The following BCL7A variants were observed in gnomAD, a reference collection of about 807,000 sequenced individuals.
BCL7A encodes the protein BAF chromatin remodeling complex subunit BCL7A, also known as B-cell CLL/lymphoma 7 protein family member A.
A neutral mutation model predicts 28.4 loss-of-function variants in BCL7A; 11 were observed. That is an observed-to-expected ratio of 0.39 (90% CI 0.24 to 0.64). The LOEUF (loss-of-function observed/expected upper bound fraction) is 0.64. BCL7A is among the 30% of genes least tolerant of loss of function. The probability of loss-of-function intolerance (pLI) is 0.50; values close to 1 mark genes in which losing one functional copy is unlikely to be tolerated. For synonymous variants in BCL7A, 123 were observed against 103.3 expected (o/e 1.19, Z -1.15); for missense variants, 222 against 274.8 (o/e 0.81, Z 1.36).
Position 122,054,714 on chromosome 12 carries a change from A to G in BCL7A, c.440-91A>G, listed in dbSNP as rs1460671923. 4 of 1,336,496 alleles carry G rather than the reference A, an allele frequency of 3.0e-6. No individual in the cohort carries two copies. In the South Asian group the frequency reaches 4.0e-5, roughly 13 times the overall value. The allele number at this position is 1,336,496 out of a possible 1,614,324, so 82.8% of individuals were successfully genotyped here. A position where few individuals can be genotyped will look rare whatever the true frequency, so the allele number is the denominator to read the frequency against. On this transcript the variant is annotated intron_variant, in intron 4 of 5. Coordinates refer to ENST00000261822, the MANE Select transcript of BCL7A (RefSeq NM_001024808.3). ...TTCAAAGACCACTGGCCCCAAAACTACCCGATTCAAGGTATTTTCAGTATT... is the reference window on the plus strand; with the variant it reads ...TTCAAAGACCACTGGCCCCAAAACTGCCCGATTCAAGGTATTTTCAGTATT...
chr12:122,026,396 T>C (rs1883631024), intron 1 of BCL7A, among the ~76,000 whole-genome samples: 1 of 152,052 alleles, frequency 6.6e-6, no homozygotes, highest in African/African-American at 2.4e-5. Flanking sequence ...TGAGCTACGA[T>C]TGTGCCACTG....
Position 122,059,220 on chromosome 12 carries a change from C to T in BCL7A, c.*57C>T. On this transcript the variant is annotated 3_prime_UTR_variant, in exon 6 of 6. Transcript: ENST00000261822. The surrounding 1 kb of genome is among the most constrained non-coding windows in gnomAD (Gnocchi z 4.0). ...ATGGAAGGTACATCAGCAATTAATT[C>T]TAGAGCAACTTTGCCCCAGCGATTC... is the stretch of plus-strand genomic sequence containing the variant. 2.0e-6 allele frequency: 3 copies of T among 1,512,954 alleles called. No homozygotes were observed. Among genetic ancestry groups the T allele is most frequent in the Non-Finnish European group, 2.8e-6 (3 of 1,090,342 alleles). 93.7% of individuals were successfully genotyped at this position (1,512,954 alleles called of 1,614,324 possible).
chr12:122,045,076 G>A (rs1044422050), intron 4 of BCL7A, among the ~76,000 whole-genome samples: 3 of 152,016 alleles, frequency 2.0e-5, no homozygotes, highest in Non-Finnish European at 2.9e-5. Flanking sequence ...AAGAGTGAGT[G>A]AGGAGCTGGA....
At position 122,021,916 on chromosome 12, in the gene BCL7A, TTGTGTGTGTGTGTATGTGTGTGTGTGTG is replaced by T. The variant is rs1264786149; in HGVS notation, c.-162_-135del. The T allele has an allele frequency of 2.5e-5, 9 of 353,828 alleles. No individual in the cohort carries two copies. Among genetic ancestry groups the T allele is most frequent in the Non-Finnish European group, 4.7e-5 (9 of 192,818 alleles). The allele number at this position is 353,828 out of a possible 1,614,324, so 21.9% of individuals were successfully genotyped here. A position where few individuals can be genotyped will look rare whatever the true frequency, so the allele number is the denominator to read the frequency against. ...GCCAGGCGCGCGGCGGCCCCGGGCT[TTGTGTGTGTGTGTATGTGTGTGTGTGTG>T]TGTGTGTGTGTGTGAGTGTGTGCGT... On this transcript the variant is annotated 5_prime_UTR_variant, in exon 1 of 6. It removes an upstream start codon present in the reference 5' UTR. Coordinates refer to ENST00000261822, the MANE Select transcript of BCL7A (RefSeq NM_001024808.3).
intron 1 of BCL7A, among the ~76,000 whole-genome samples, chr12:122,025,215 A>C (rs1883593116): frequency 6.6e-6 from 1 of 152,124 alleles, no homozygotes. Context: ...GTAAGCTTGG[A>C]GGCCCGCTGC....
intron 3 of BCL7A, among the ~76,000 whole-genome samples, chr12:122,042,447 G>A (rs903927533): frequency 2.0e-5 from 3 of 152,064 alleles, no homozygotes; most frequent in Non-Finnish European, 4.4e-5. Context: ...CTGAGGCCAA[G>A]AGTTCGAGAC....
At chr12:122,035,250 C>T (rs1883826404) in intron 2 of BCL7A, 81 bp from the exon 3 acceptor site, 4 of 1,314,756 alleles carry the variant, frequency 3.0e-6, no homozygotes, top group Non-Finnish European at 4.3e-6. Context: ...AAAATATTCA[C>T]ACCACTCCCC....
chr12:122,023,783 C>T (rs2135835104), intron 1 of BCL7A, among the ~76,000 whole-genome samples: 2 of 152,336 alleles, frequency 1.3e-5, no homozygotes, highest in Non-Finnish European at 2.9e-5. Context: ...AAACAACCCG[C>T]AGCCCCCTCT....
chr12:122,034,889 G>C (rs1403858061), intron 2 of BCL7A, among the ~76,000 whole-genome samples: 1 of 152,194 alleles, frequency 6.6e-6, no homozygotes, highest in Admixed American at 6.5e-5. Flanking sequence ...TACACTTTGA[G>C]AAAGGCTGCC....
At position 122,054,874 on chromosome 12, in the gene BCL7A, G is replaced by C; in HGVS notation, c.509G>C (p.Arg170Pro). 5.0e-6 allele frequency: 8 copies of C among 1,614,196 alleles called. No individual in the cohort carries two copies. Among genetic ancestry groups the C allele is most frequent in the Non-Finnish European group, 6.8e-6 (8 of 1,180,040 alleles). ...ATGAACAGCTCAGAGAAAGTAGATC[G>C]GCAGCCGTCTGGAGACTCGGGTCTG... ...HSMNSSEKVD[R>P]QPSGDSGLAA... The change falls in exon 5 of 6, where the codon CGG (arginine) becomes CCG (proline). Residue 170 changes from arginine to proline, a missense_variant. Physicochemically the swap from Arg to Pro is moderately radical, Grantham distance 103 (BLOSUM62 -2). Around this residue, in one of 2 missense-constraint regions of BCL7A, gnomAD observed 155 missense variants for 145.7 expected, o/e 1.06. Transcript: ENST00000261822.
chr12:122,033,070 TA>T (rs1304591490), intron 2 of BCL7A, among the ~76,000 whole-genome samples: 3 of 152,116 alleles, frequency 2.0e-5, no homozygotes, highest in African/African-American at 7.2e-5. Flanking sequence ...TTTAAATAGG[TA>T]AAATATGTTA....
At chr12:122,049,031 A>ATATATATATAT (rs1383363229) in intron 4 of BCL7A, among the ~76,000 whole-genome samples, 2 of 69,724 alleles carry the variant, frequency 2.9e-5, no homozygotes, top group Non-Finnish European at 5.8e-5. Flanking sequence ...AAAAAAAAAA[A>ATATATATATAT]AAAAATATAT....
chr12:122,023,694 G>C (rs1883533796), intron 1 of BCL7A, among the ~76,000 whole-genome samples: 1 of 152,290 alleles, frequency 6.6e-6, no homozygotes, highest in Admixed American at 6.5e-5. Context: ...AGCTCCCCTG[G>C]TACACAGGGT....
In BCL7A at chr12:122,030,900, G is replaced by T. The variant is rs1883729174; in HGVS notation, c.174+119G>T. On this transcript the variant is annotated intron_variant, in intron 2 of 5. Coordinates refer to ENST00000261822, the MANE Select transcript of BCL7A (RefSeq NM_001024808.3). ...GGGGCTCTGGGACCAAGAGCCCCTG[G>T]GAGTAGAAGGACCCAGATTAGACCT... is the stretch of plus-strand genomic sequence containing the variant. 1.0e-5 allele frequency: 10 copies of T among 988,058 alleles called. No individual in the cohort carries two copies. The South Asian group carries it at 1.3e-4, about 13-fold the overall frequency. 61.2% of individuals were successfully genotyped at this position (988,058 alleles called of 1,614,324 possible). A position where few individuals can be genotyped will look rare whatever the true frequency, so the allele number is the denominator to read the frequency against.
At position 122,021,949 on chromosome 12, in the gene BCL7A, T is replaced by TGTGA; in HGVS notation, c.-140_-139insAGTG. On this transcript the variant is annotated 5_prime_UTR_variant, in exon 1 of 6. It introduces an in-frame stop codon into an upstream open reading frame of the 5' UTR. Coordinates refer to ENST00000261822, the MANE Select transcript of BCL7A (RefSeq NM_001024808.3). ...GTGTGTATGTGTGTGTGTGTGTGTG[T>TGTGA]GTGTGTGTGAGTGTGTGCGTGTGAG... is the stretch of plus-strand genomic sequence containing the variant. 1.7e-6 allele frequency: 1 copy of TGTGA among 587,506 alleles called. No homozygotes were observed. The highest frequency in any genetic ancestry group is 3.0e-6 in the Non-Finnish European group (1 of 329,762). 36.4% of individuals were successfully genotyped at this position (587,506 alleles called of 1,614,324 possible). A position where few individuals can be genotyped will look rare whatever the true frequency, so the allele number is the denominator to read the frequency against.
chr12:122,060,893 G>GAA lies in BCL7A; in HGVS notation c.*1741_*1742dup, dbSNP rs879225661. On this transcript the variant is annotated 3_prime_UTR_variant, in exon 6 of 6. Transcript: ENST00000261822. ...ATGCAAAATGTCTCCTGAAATAAGGGAAAAAAAAAAAACCACAACTTTGAA... is the reference window on the plus strand; with the variant it reads ...ATGCAAAATGTCTCCTGAAATAAGGGAAAAAAAAAAAAAACCACAACTTTGAA... 80 of 189,284 alleles carry GAA rather than the reference G, an allele frequency of 4.2e-4. No homozygotes were observed. Among genetic ancestry groups the GAA allele is most frequent in the East Asian group, 1.9e-3 (23 of 12,326 alleles). The allele number at this position is 189,284 out of a possible 1,614,324, so 11.7% of individuals were successfully genotyped here. A position where few individuals can be genotyped will look rare whatever the true frequency, so the allele number is the denominator to read the frequency against.
chr12:122,027,834 C>T (rs1261201970), intron 1 of BCL7A, among the ~76,000 whole-genome samples: 1 of 151,732 alleles, frequency 6.6e-6, no homozygotes, highest in Non-Finnish European at 1.5e-5. Context: ...AGGAGTCCGT[C>T]TCAAAAAAAT....
At chr12:122,027,624 G>A (rs1310372815) in intron 1 of BCL7A, among the ~76,000 whole-genome samples, 1 of 152,154 alleles carries the variant, frequency 6.6e-6, no homozygotes, top group African/African-American at 2.4e-5. Flanking sequence ...GGTCACCTGA[G>A]GTCAAGAGTT....
chr12:122,021,926 G>A lies in BCL7A; in HGVS notation c.-166G>A, dbSNP rs1384711246. 12 of 423,270 alleles carry A rather than the reference G, an allele frequency of 2.8e-5. No individual in the cohort carries two copies. Among genetic ancestry groups the A allele is most frequent in the South Asian group, 7.8e-5 (3 of 38,514 alleles). 26.2% of individuals were successfully genotyped at this position (423,270 alleles called of 1,614,324 possible). On this transcript the variant is annotated 5_prime_UTR_variant, in exon 1 of 6. The change creates a new upstream start codon in the 5' untranslated region. Coordinates refer to ENST00000261822, the MANE Select transcript of BCL7A (RefSeq NM_001024808.3). ...CGGCGGCCCCGGGCTTTGTGTGTGT[G>A]TGTATGTGTGTGTGTGTGTGTGTGT... is the stretch of plus-strand genomic sequence containing the variant.
Sources: gnomAD v4.1 joint callset for allele counts (sites outside exome capture counted in the v4.1 genomes callset) on GRCh38, gnomAD v4.1.1 for gene constraint, gnomAD v4.1.1 regional missense constraint, Gnocchi (gnomAD v3.1) non-coding constraint, MANE v1.5 for transcripts, NCBI Gene and HGNC (gene_info 2026-07-23, HGNC 2026-07-21) for gene names.